The following SYNE3 variants were observed in gnomAD, a reference collection of about 807,000 sequenced individuals.
SYNE3 encodes nesprin-3.
SYNE3 carries 100 observed loss-of-function variants against 111.2 expected under a neutral mutation model. The ratio of observed to expected loss-of-function variants is 0.90; its 90% CI spans 0.77 to 1.06. The LOEUF (loss-of-function observed/expected upper bound fraction) is 1.06. Among genes scored for constraint, SYNE3 ranks in the 50% least tolerant of loss-of-function variants. The probability of loss-of-function intolerance (pLI) is 0.00; values close to 1 mark genes in which losing one functional copy is unlikely to be tolerated. For synonymous variants in SYNE3, 547 were observed against 533.9 expected (o/e 1.02, Z -0.34); for missense variants, 1,160 against 1,240.3 (o/e 0.94, Z 0.97).
intron 9 of SYNE3, among the ~76,000 whole-genome samples, chr14:95,445,354 T>C (rs1043749499): frequency 1.1e-4 from 17 of 152,204 alleles, no homozygotes; most frequent in African/African-American, 3.1e-4. Flanking sequence ...CTTATGTGGA[T>C]TAGATAAGAT....
intron 1 of SYNE3, among the ~76,000 whole-genome samples, chr14:95,479,127 G>A (rs984049264): frequency 2.0e-5 from 3 of 151,032 alleles, no homozygotes; most frequent in Non-Finnish European, 4.4e-5. Context: ...AGGTGCAGTG[G>A]CTCATGCCTG....
intron 3 of SYNE3, 113 bp downstream of exon 3, chr14:95,467,682 C>G (rs1481839355): frequency 7.8e-7 from 1 of 1,289,798 alleles, no homozygotes; most frequent in Admixed American, 2.5e-5. Context: ...AATATCCTGT[C>G]CCCCAGAATC....
chr14:95,445,893 GC>G lies in SYNE3; in HGVS notation c.1632+15del, dbSNP rs769569605. 6.2e-7 allele frequency: 1 copy of G among 1,611,134 alleles called. No homozygotes were observed. The highest frequency in any genetic ancestry group is 1.7e-5 in the Admixed American group (1 of 59,996). ...TGGCCAAGCCAAGTCCCGAGCAGATGCCTGGTGCTGCACACCTGCAGTTTGC... is the reference window on the plus strand; with the variant it reads ...TGGCCAAGCCAAGTCCCGAGCAGATGCTGGTGCTGCACACCTGCAGTTTGC... On this transcript the variant is annotated intron_variant, in intron 9 of 17. Transcript: ENST00000682763.
At chr14:95,445,809 G>A (rs888006766) in intron 9 of SYNE3, 100 bp downstream of exon 9, 111 of 1,320,508 alleles carry the variant, frequency 8.4e-5, no homozygotes, top group Middle Eastern at 2.6e-4. Flanking sequence ...AGTGGCAAGC[G>A]GCAGAGCTGA....
At chr14:95,514,394 G>T (rs772001061) in intron 1 of SYNE3, among the ~76,000 whole-genome samples, 1 of 152,184 alleles carries the variant, frequency 6.6e-6, no homozygotes, top group Non-Finnish European at 1.5e-5. Flanking sequence ...CATGAGGGGG[G>T]TGAGCCAGGA....
chr14:95,487,358 C>T (rs35614947), intron 1 of SYNE3, among the ~76,000 whole-genome samples: 2,140 of 152,180 alleles, frequency 0.014, 19 homozygotes, highest in South Asian at 0.026. Flanking sequence ...AGTGAGAAGA[C>T]CAAGGATTGG....
In SYNE3 at chr14:95,407,475, G is replaced by A. The variant is rs946994918; in HGVS notation, c.*10351C>T. On this transcript the variant is annotated 3_prime_UTR_variant, in exon 18 of 18. Coordinates refer to ENST00000682763, the MANE Select transcript of SYNE3 (RefSeq NM_152592.6). ...GTCCTGGTGTTCCTCCCTGGATGGC[G>A]GGGAAGGCTCCATTAGCTTTGGACT... is the stretch of plus-strand genomic sequence containing the variant. 4 of 152,198 alleles carry A rather than the reference G, an allele frequency of 2.6e-5. No individual in the cohort carries two copies. The highest frequency in any genetic ancestry group is 9.6e-5 in the African/African-American group (4 of 41,528). 9.4% of individuals were successfully genotyped at this position (152,198 alleles called of 1,614,324 possible).
chr14:95,457,419 GGTGTGTGT>G (rs36203973), intron 4 of SYNE3, 81 bp from the exon 5 acceptor site: 20,966 of 1,400,484 alleles, frequency 0.015, 121 homozygotes, highest in Non-Finnish European at 0.017. Flanking sequence ...AGCCTGCCTG[GGTGTGTGT>G]GTGTGTGTGT....
In SYNE3 at chr14:95,410,810, A is replaced by G. The variant is rs1468968579; in HGVS notation, c.*7016T>C. 6.6e-6 allele frequency: 1 copy of G among 152,202 alleles called. No homozygotes were observed. Among genetic ancestry groups the G allele is most frequent in the Non-Finnish European group, 1.5e-5 (1 of 68,046 alleles). 9.4% of individuals were successfully genotyped at this position (152,202 alleles called of 1,614,324 possible). On this transcript the variant is annotated 3_prime_UTR_variant, in exon 18 of 18. Coordinates refer to ENST00000682763, the MANE Select transcript of SYNE3 (RefSeq NM_152592.6). Reference sequence around the variant, plus strand: ...CTCTTCCAGATGCGAGCCCACGCGCACAATCCTAGGATACCTAATATTTCA... The same window carrying G: ...CTCTTCCAGATGCGAGCCCACGCGCGCAATCCTAGGATACCTAATATTTCA...
At chr14:95,443,412 G>T in intron 10 of SYNE3, 123 bp from the exon 11 acceptor site, 2 of 1,252,534 alleles carry the variant, frequency 1.6e-6, no homozygotes, top group South Asian at 1.6e-5. Flanking sequence ...AGGCGGTGGG[G>T]CTCTTTCATA....
intron 1 of SYNE3, among the ~76,000 whole-genome samples, chr14:95,489,425 T>C (rs1054069341): frequency 6.6e-6 from 1 of 152,240 alleles, no homozygotes; most frequent in Non-Finnish European, 1.5e-5. Flanking sequence ...TCCTCTGAAC[T>C]CTGAGCCTTT....
At chr14:95,441,056 T>C (rs1422317521) in intron 11 of SYNE3, among the ~76,000 whole-genome samples, 1 of 152,204 alleles carries the variant, frequency 6.6e-6, no homozygotes, top group Non-Finnish European at 1.5e-5. Context: ...CCTGAGACCC[T>C]TGGAGCTTTC....
At chr14:95,502,618 C>T (rs1318217608) in intron 1 of SYNE3, among the ~76,000 whole-genome samples, 1 of 152,124 alleles carries the variant, frequency 6.6e-6, no homozygotes, top group Non-Finnish European at 1.5e-5. Context: ...ACGTGCCAAA[C>T]TGAAGCAACA....
rs530270437 is a variant in SYNE3 at position 95,514,689 on chromosome 14, C to T, written c.-15+1907G>A. Among the ~76,000 whole-genome samples the T allele has an allele frequency of 6.6e-5, 10 of 152,370 alleles. 2 individuals carry two copies. The highest frequency in any genetic ancestry group is 2.2e-4 in the African/African-American group (9 of 41,596). On this transcript the variant is annotated intron_variant, in intron 1 of 17. Transcript: ENST00000682763. ...AAGCAACTTTCCCAAGGCTACACAG[C>T]CAGGAACGGGCTAAGGCAGGACTGG...
At chr14:95,430,978 C>T (rs1885729801) in intron 17 of SYNE3, among the ~76,000 whole-genome samples, 1 of 152,200 alleles carries the variant, frequency 6.6e-6, no homozygotes, top group South Asian at 2.1e-4. Flanking sequence ...TACCCACTCT[C>T]CTATAGATGT....
At chr14:95,484,546 G>C (rs1187736) in intron 1 of SYNE3, among the ~76,000 whole-genome samples, 63,440 of 152,038 alleles carry the variant, frequency 0.42, 13,410 homozygotes, top group Non-Finnish European at 0.45. Context: ...GGGTACCAGG[G>C]CACAGGTACC....
At chr14:95,498,839 C>T (rs1186547556) in intron 1 of SYNE3, among the ~76,000 whole-genome samples, 1 of 152,180 alleles carries the variant, frequency 6.6e-6, no homozygotes, top group South Asian at 2.1e-4. Context: ...AGGCTGGATC[C>T]GGCTGGCCCT....
In SYNE3 at chr14:95,457,221, G is replaced by A. The variant is rs775923128; in HGVS notation, c.745C>T (p.Arg249Trp). The change falls in exon 5 of 18, where the codon CGG becomes TGG. Residue 249 changes from arginine to tryptophan, a missense_variant. Transcript: ENST00000682763. ...VVEKVNGCLGRNCKLPITQRL... is the reference protein window; with the variant it reads ...VVEKVNGCLGWNCKLPITQRL... Reference sequence around the variant, plus strand: ...TGCGTGATGGGCAGCTTGCAGTTCCGCCCCAGGCAGCCATTCACCTTCTCC... The same window carrying A: ...TGCGTGATGGGCAGCTTGCAGTTCCACCCCAGGCAGCCATTCACCTTCTCC... The A allele has an allele frequency of 2.2e-5, 35 of 1,613,942 alleles. No homozygotes were observed. The highest frequency in any genetic ancestry group is 1.5e-4 in the South Asian group (14 of 91,078).
At position 95,445,965 on chromosome 14, in the gene SYNE3, T is replaced by C; in HGVS notation, c.1576A>G (p.Met526Val). The C allele has an allele frequency of 5.0e-6, 8 of 1,614,132 alleles. No homozygotes were observed. Among genetic ancestry groups the C allele is most frequent in the Non-Finnish European group, 5.9e-6 (7 of 1,180,024 alleles). The change falls in exon 9 of 18, where the codon ATG becomes GTG. Residue 526 changes from methionine (M) to valine (V), a missense_variant. Transcript: ENST00000682763. ...TTATGCAGCAGGTCTCTGTCCCTCA[T>C]GGAACCTGCCACCTGCTCCAGGAGT... ...TALLEQVAGS[M>V]RDRDLLHNSL...
Sources: allele counts gnomAD v4.1 joint callset (sites outside exome capture counted in the v4.1 genomes callset), GRCh38; gene constraint gnomAD v4.1.1; transcripts MANE v1.5; gene names NCBI Gene and HGNC (gene_info 2026-07-23, HGNC 2026-07-21).